UBASH3B: variants seen among roughly 807,000 people sequenced by gnomAD.
The protein encoded by UBASH3B is ubiquitin-associated and SH3 domain-containing protein B.
UBASH3B carries 37 observed loss-of-function variants against 83.4 expected under a neutral mutation model. That is an observed-to-expected ratio of 0.44 (90% CI 0.34 to 0.58). The LOEUF is 0.58. Among genes scored for constraint, UBASH3B ranks in the 20% least tolerant of loss-of-function variants. The probability of loss-of-function intolerance (pLI) is 0.01; values close to 1 mark genes in which losing one functional copy is unlikely to be tolerated. For missense variants in UBASH3B, 657 were observed against 827.2 expected (o/e 0.79, Z 2.52); for synonymous variants, 304 against 318.3 (o/e 0.96, Z 0.48).
chr11:122,738,765 T>TA (rs879509398), intron 1 of UBASH3B, among the ~76,000 whole-genome samples: 13 of 151,866 alleles, frequency 8.6e-5, no homozygotes, highest in Middle Eastern at 3.4e-3. Context: ...TGCATGCCTG[T>TA]AATCACAGCT....
chr11:122,697,163 C>T (rs144277322), intron 1 of UBASH3B, among the ~76,000 whole-genome samples: 110 of 152,326 alleles, frequency 7.2e-4, no homozygotes, highest in Non-Finnish European at 1.3e-3. Flanking sequence ...GCTCTCAAAA[C>T]ATTTTTCAAA....
chr11:122,732,405 C>T (rs1423698372), intron 1 of UBASH3B, among the ~76,000 whole-genome samples: 8 of 152,114 alleles, frequency 5.3e-5, no homozygotes, highest in South Asian at 2.1e-4. Flanking sequence ...TGAGTTGGTT[C>T]GCTTGATTTA....
chr11:122,730,546 A>G lies in UBASH3B; in HGVS notation c.162-45673A>G, dbSNP rs532947838. Among the ~76,000 whole-genome samples the G allele has an allele frequency of 2.6e-5, 4 of 151,602 alleles. No homozygotes were observed. The East Asian group carries it at 7.7e-4, about 29-fold the overall frequency. On this transcript the variant is annotated intron_variant, in intron 1 of 13. Coordinates refer to ENST00000284273, the MANE Select transcript of UBASH3B (RefSeq NM_032873.5). Reference sequence around the variant, plus strand: ...GGCCAGCACTGCACATCGCTGCACAACTGAGCTTGCCTTCTCAGCCCGCTG... The same window carrying G: ...GGCCAGCACTGCACATCGCTGCACAGCTGAGCTTGCCTTCTCAGCCCGCTG...
intron 1 of UBASH3B, among the ~76,000 whole-genome samples, chr11:122,736,362 C>T (rs1860931941): frequency 6.6e-6 from 1 of 151,938 alleles, no homozygotes; most frequent in African/African-American, 2.4e-5. Context: ...CTGAGAACTA[C>T]AAGTTCTCAG....
In UBASH3B at chr11:122,796,266, C is replaced by T. The variant is rs767910444; in HGVS notation, c.1224C>T (p.Phe408=). Residue 408 remains phenylalanine (F), a synonymous_variant, in exon 8 of 14, where the codon TTC becomes TTT. Transcript: ENST00000284273. ...GGAAGTACTGGCTGTCCCAGTGCTT[C>T]GATGCCAAAGGTGAGTTGGTGGTGG... ...VFGKYWLSQC[F]DAKGRYIRTN... 5.0e-6 allele frequency: 8 copies of T among 1,614,056 alleles called. No individual in the cohort carries two copies. Among genetic ancestry groups the T allele is most frequent in the African/African-American group, 1.3e-5 (1 of 75,048 alleles).
In UBASH3B at chr11:122,665,065, C is replaced by T. The variant is rs1024601256; in HGVS notation, c.161+8855C>T. 2.6e-5 allele frequency among the ~76,000 whole-genome samples: 4 copies of T among 152,284 alleles called. No individual in the cohort carries two copies. The Middle Eastern group carries it at 0.01, about 388-fold the overall frequency. On this transcript the variant is annotated intron_variant, in intron 1 of 13. Coordinates refer to ENST00000284273, the MANE Select transcript of UBASH3B (RefSeq NM_032873.5). The stretch of plus-strand genomic sequence containing the variant: ...CTGGGACTACAGGCGCCCGCCAATA[C>T]CAGCTAATTTTTTTGTATTTTTAGT...
chr11:122,749,920 A>T (rs1334550333), intron 1 of UBASH3B, among the ~76,000 whole-genome samples: 1 of 151,970 alleles, frequency 6.6e-6, no homozygotes, highest in Admixed American at 6.6e-5. Context: ...TTTAGTAGAG[A>T]TGGGTTTTTG....
chr11:122,809,969 A>C lies in UBASH3B; in HGVS notation c.*83A>C. ...AAAACAGTGGGAAAATCCACACCAC[A>C]CTCTAAGTGGACAGCTCAGAATAAT... On this transcript the variant is annotated 3_prime_UTR_variant, in exon 14 of 14. Transcript: ENST00000284273. The C allele has an allele frequency of 6.7e-7, 1 of 1,491,858 alleles. No individual in the cohort carries two copies. The highest frequency in any genetic ancestry group is 9.1e-7 in the Non-Finnish European group (1 of 1,094,258). 92.4% of individuals were successfully genotyped at this position (1,491,858 alleles called of 1,614,324 possible). A position where few individuals can be genotyped will look rare whatever the true frequency, so the allele number is the denominator to read the frequency against.
At chr11:122,762,498 C>G (rs536060110) in intron 1 of UBASH3B, among the ~76,000 whole-genome samples, 3 of 152,318 alleles carry the variant, frequency 2.0e-5, no homozygotes. Flanking sequence ...TGCACACCCT[C>G]CATTGACAGC....
intron 5 of UBASH3B, 133 bp from the exon 6 acceptor site, chr11:122,788,967 A>G: frequency 9.1e-6 from 7 of 765,358 alleles, no homozygotes; most frequent in Non-Finnish European, 1.5e-5. Context: ...CAGGGCCTGC[A>G]GACCCCAAGG....
chr11:122,768,798 C>T (rs1244203713), intron 1 of UBASH3B, among the ~76,000 whole-genome samples: 2 of 152,164 alleles, frequency 1.3e-5, no homozygotes, highest in East Asian at 3.9e-4. Flanking sequence ...AGCCACCGTG[C>T]CCAGCCTATT....
chr11:122,719,352 A>T (rs186732824), intron 1 of UBASH3B, among the ~76,000 whole-genome samples: 257 of 152,330 alleles, frequency 1.7e-3, no homozygotes, highest in Middle Eastern at 3.4e-3. Flanking sequence ...TATGTTAGTG[A>T]TGTTTGCAAT....
intron 1 of UBASH3B, among the ~76,000 whole-genome samples, chr11:122,734,938 T>TA (rs1860908739): frequency 6.6e-6 from 1 of 151,996 alleles, no homozygotes; most frequent in Non-Finnish European, 1.5e-5. Context: ...TATCACAGTT[T>TA]TTTCTAACTT....
At chr11:122,767,352 C>A (rs1860563038) in intron 1 of UBASH3B, among the ~76,000 whole-genome samples, 1 of 149,518 alleles carries the variant, frequency 6.7e-6, no homozygotes, top group Non-Finnish European at 1.5e-5. Context: ...TCTCTGTCAC[C>A]CAGACTGGAG....
chr11:122,756,685 A>C (rs973209782), intron 1 of UBASH3B, among the ~76,000 whole-genome samples: 4 of 152,194 alleles, frequency 2.6e-5, no homozygotes, highest in Admixed American at 6.5e-5. Context: ...TAAGCTGTGA[A>C]CAGGAACAAC....
chr11:122,762,881 C>T (rs1846001478), intron 1 of UBASH3B, among the ~76,000 whole-genome samples: 1 of 152,196 alleles, frequency 6.6e-6, no homozygotes, highest in African/African-American at 2.4e-5. Flanking sequence ...AGGAAAATTG[C>T]AAAGATTGAT....
At position 122,799,046 on chromosome 11, in the gene UBASH3B, A is replaced by G; in HGVS notation, c.1450+12A>G. 1 of 1,611,990 alleles carries G rather than the reference A, an allele frequency of 6.2e-7. No individual in the cohort carries two copies. The highest frequency in any genetic ancestry group is 8.5e-7 in the Non-Finnish European group (1 of 1,178,274). On this transcript the variant is annotated intron_variant, in intron 10 of 13. Transcript: ENST00000284273. ...CAATATCTTGAAAGGTAAGACTTGCAGGTTGACAAAAACAAGTAGTCCATC... is the reference window on the plus strand; with the variant it reads ...CAATATCTTGAAAGGTAAGACTTGCGGGTTGACAAAAACAAGTAGTCCATC...
chr11:122,799,636 A>C (rs1485635792), intron 10 of UBASH3B, among the ~76,000 whole-genome samples: 1 of 152,232 alleles, frequency 6.6e-6, no homozygotes, highest in East Asian at 1.9e-4. Context: ...TTTACACTTA[A>C]TAGTCAAATA....
chr11:122,809,693 GT>G, intron 13 of UBASH3B, 55 bp from the exon 14 acceptor site: 1 of 1,588,480 alleles, frequency 6.3e-7, no homozygotes, highest in Non-Finnish European at 8.6e-7. Context: ...TTAGGTAAAA[GT>G]TAAAGCATTA....
Sources: gnomAD v4.1 joint callset for allele counts (sites outside exome capture counted in the v4.1 genomes callset) on GRCh38, gnomAD v4.1.1 for gene constraint, MANE v1.5 for transcripts, NCBI Gene and HGNC (gene_info 2026-07-23, HGNC 2026-07-21) for gene names.